The following AHNAK2 variants were observed in gnomAD, a reference collection of about 807,000 sequenced individuals.
AHNAK2 encodes the protein protein AHNAK2.
Under a neutral mutation model 30.7 loss-of-function variants are expected in AHNAK2, and 18 were observed. The ratio of observed to expected loss-of-function variants is 0.59; its 90% confidence interval spans 0.41 to 0.87. AHNAK2 has a LOEUF of 0.87. Ranked by LOEUF, AHNAK2 falls within the 40% of genes least tolerant of loss-of-function variation. AHNAK2 has a pLI of 0.00. For synonymous variants in AHNAK2, 3,590 were observed against 3,073.8 expected, an observed-to-expected ratio of 1.17 and a Z score of -5.56; for missense variants, 8,604 against 7,373.0, an observed-to-expected ratio of 1.17 and a Z score of -6.11.
At position 104,951,897 on chromosome 14, in the gene AHNAK2, G is replaced by C; in HGVS notation, c.3554C>G (p.Ser1185Trp). ...ASAPGKSIEA[S>W]VDVSAPKVEA... ...CACTTTGGGTGCAGACACATCCACC[G>C]AGGCCTCGATGGACTTGCCTGGGGC... The change falls in exon 7 of 7, where the codon TCG becomes TGG. Residue 1185 changes from serine to tryptophan, a missense_variant. Coordinates refer to ENST00000333244, the MANE Select transcript of AHNAK2 (RefSeq NM_138420.4). 6.3e-7 allele frequency: 1 copy of C among 1,583,430 alleles called. No individual in the cohort carries two copies. Among genetic ancestry groups the C allele is most frequent in the Non-Finnish European group, 8.5e-7 (1 of 1,169,834 alleles).
rs2819428 is a variant in AHNAK2, at chr14:104,947,893, A to G, written c.7558T>C (p.Ser2520Pro). The G allele has an allele frequency of 5.9e-3, 9,575 of 1,609,482 alleles. 210 individuals are homozygous for G. Among genetic ancestry groups the G allele is most frequent in the African/African-American group, 0.036 (2,633 of 73,298 alleles). The change falls in exon 7 of 7, where the codon TCC becomes CCC. Residue 2520 changes from serine (S) to proline (P), a missense_variant. Physicochemically the swap from Ser to Pro is moderately conservative, Grantham distance 74. Transcript: ENST00000333244. ...GCCTTGAGGTCCCCCTGCATGGAGG[A>G]GAGGCTCCCGTCGGCCTCCACCTTC... ...APKVEADGSL[S>P]SMQGDLKATD...
In AHNAK2 at chr14:104,952,329, A is replaced by T. The variant is rs776352939; in HGVS notation, c.3122T>A (p.Leu1041Gln). 2 of 1,612,290 alleles carry T rather than the reference A, an allele frequency of 1.2e-6. No individual in the cohort carries two copies. Among genetic ancestry groups the T allele is most frequent in the South Asian group, 2.2e-5 (2 of 91,008 alleles). Residue 1041 changes from leucine (L) to glutamine (Q), a missense_variant, in exon 7 of 7, where the codon CTG becomes CAG. Physicochemically the swap from Leu to Gln is moderately radical, Grantham distance 113. Transcript: ENST00000333244. ...CTGAATGCTGAGGTCAGTGGTCTTC[A>T]GGTCCCCCTGCATGGAGGGGAGACT... ...DLSLPSMQGD[L>Q]KTTDLSIQPA...
chr14:104,953,499 A>G lies in AHNAK2; in HGVS notation c.1952T>C (p.Ile651Thr). Residue 651 changes from isoleucine to threonine, a missense_variant, in exon 7 of 7, where the codon ATA becomes ACA. By Grantham distance (89) the Ile-to-Thr change is moderately conservative. Coordinates refer to ENST00000333244, the MANE Select transcript of AHNAK2 (RefSeq NM_138420.4). ...CTTTTTTAAGCGTTTTTCATCGTGT[A>G]TTAGTTGTATTTTTGTTGTGTTTGT... ...SMTNTTKIQLIHDEKRLKKEQ... is the reference protein window; with the variant it reads ...SMTNTTKIQLTHDEKRLKKEQ... 6.2e-7 allele frequency: 1 copy of G among 1,613,750 alleles called. No individual in the cohort carries two copies. The highest frequency in any genetic ancestry group is 1.1e-5 in the South Asian group (1 of 91,074).
Position 104,946,867 on chromosome 14 carries a change from G to T in AHNAK2, c.8584C>A (p.Arg2862Ser), listed in dbSNP as rs2582514. The change falls in exon 7 of 7, where the codon CGC (arginine) becomes AGC (serine). Residue 2862 changes from arginine (R) to serine (S), a missense_variant. Physicochemically the swap from Arg to Ser is moderately radical, Grantham distance 110. Coordinates refer to ENST00000333244, the MANE Select transcript of AHNAK2 (RefSeq NM_138420.4). ...MQGDLKTTDI[R>S]IQPPSAQLEV... is the part of the protein sequence containing the mutation. ...AGTTGGGCGGAGGGGGGCTGAATGCGGATGTCAGTGGTCTTAAGATCCCCT... is the reference window on the plus strand; with the variant it reads ...AGTTGGGCGGAGGGGGGCTGAATGCTGATGTCAGTGGTCTTAAGATCCCCT... 0.54 allele frequency: 877,696 copies of T among 1,611,362 alleles called. 243,027 individuals are homozygous for T. The highest frequency in any genetic ancestry group is 0.7 in the African/African-American group (51,711 of 73,926).
At chr14:104,955,226 C>CGG (rs1437730887) in intron 5 of AHNAK2, 85 bp from the exon 6 acceptor site, 1 of 1,463,928 alleles carries the variant, frequency 6.8e-7, no homozygotes, top group African/African-American at 1.4e-5. Context: ...AGGAGGGTCC[C>CGG]GGGGACATGA....
In AHNAK2 at chr14:104,954,925, G is replaced by A; in HGVS notation, c.651+32C>T. The stretch of plus-strand genomic sequence containing the variant: ...AGCCAGCAGGGTAGTGAAGCCAGCT[G>A]GGGCCCTGCCCCCCGGGCATAGTGG... On this transcript the variant is annotated intron_variant, in intron 6 of 6. Transcript: ENST00000333244. This position sits in a 1 kb window ranked among gnomAD's most constrained non-coding sequence, Gnocchi z 4.3. The A allele has an allele frequency of 6.3e-7, 1 of 1,584,422 alleles. No homozygotes were observed. Among genetic ancestry groups the A allele is most frequent in the Non-Finnish European group, 8.6e-7 (1 of 1,164,732 alleles).
chr14:104,954,565 T>C lies in AHNAK2; in HGVS notation c.886A>G (p.Thr296Ala), dbSNP rs745783672. Reference protein sequence around the residue: ...EPRDAHDVSPTSTDTEAQLTV... With the variant: ...EPRDAHDVSPASTDTEAQLTV... ...AGCTGGGCCTCTGTGTCTGTGCTTG[T>C]AGGGGACACGTCATGTGCGTCCCTA... Residue 296 changes from threonine (T) to alanine (A), a missense_variant, in exon 7 of 7, where the codon ACA becomes GCA. Physicochemically the swap from Thr to Ala is moderately conservative, Grantham distance 58. Transcript: ENST00000333244. This position sits in a 1 kb window ranked among gnomAD's most constrained non-coding sequence, Gnocchi z 4.3. 1.2e-6 allele frequency: 2 copies of C among 1,608,874 alleles called. No individual in the cohort carries two copies. Among genetic ancestry groups the C allele is most frequent in the Non-Finnish European group, 1.7e-6 (2 of 1,177,528 alleles).
Position 104,949,376 on chromosome 14 carries a change from G to A in AHNAK2, c.6075C>T (p.Pro2025=), listed in dbSNP as rs376103496. Residue 2025 remains proline, a synonymous_variant, in exon 7 of 7, where the codon CCC becomes CCT. Transcript: ENST00000333244. The part of the protein sequence containing the change: ...APKVEADVSL[P]SMQGDLKTTD... Reference sequence around the variant, plus strand: ...TGGTCTTCAGGTCCCCCTGCATGGAGGGGAGACTCACGTCGGCCTCCACCT... The same window carrying A: ...TGGTCTTCAGGTCCCCCTGCATGGAAGGGAGACTCACGTCGGCCTCCACCT... The A allele has an allele frequency of 2.8e-5, 44 of 1,579,156 alleles. 6 individuals carry two copies. Among genetic ancestry groups the A allele is most frequent in the Non-Finnish European group, 3.5e-5 (41 of 1,157,340 alleles).
chr14:104,972,008 C>T (rs909177903), intron 1 of AHNAK2, among the ~76,000 whole-genome samples: 21 of 152,348 alleles, frequency 1.4e-4, no homozygotes, highest in African/African-American at 3.6e-4. Flanking sequence ...GGGCTGCCCC[C>T]GCCACGGGAT....
Position 104,955,588 on chromosome 14 carries a change from C to T in AHNAK2, c.361G>A (p.Ala121Thr), listed in dbSNP as rs1157037618. The stretch of plus-strand genomic sequence containing the variant: ...GTGACACTGTAGCCACTGGCTCCTG[C>T]CTCCACCTCTGTCTTCAGCGTCACC... ...TEVTLKTEVE[A>T]GASGYSVTGG... is the part of the protein sequence containing the mutation. The change falls in exon 5 of 7, where the codon GCA (alanine) becomes ACA (threonine). Residue 121 changes from alanine (A) to threonine (T), a missense_variant. Transcript: ENST00000333244. The T allele has an allele frequency of 6.2e-7, 1 of 1,613,696 alleles. No individual in the cohort carries two copies. The highest frequency in any genetic ancestry group is 2.2e-5 in the East Asian group (1 of 44,882).
rs1183114783 is a variant in AHNAK2, at chr14:104,970,251, C to T, written c.55+7932G>A. ...CCAGGAGAAGGGGCTCCGGGGCTTT[C>T]TCCCTGACATCCCTGCCCAGCCCGC... is the stretch of plus-strand genomic sequence containing the variant. On this transcript the variant is annotated intron_variant, in intron 1 of 6. Coordinates refer to ENST00000333244, the MANE Select transcript of AHNAK2 (RefSeq NM_138420.4). Among the ~76,000 whole-genome samples, 3 of 152,284 alleles carry T rather than the reference C, an allele frequency of 2.0e-5. No individual in the cohort carries two copies. In the East Asian group the frequency reaches 5.8e-4, roughly 30 times the overall value.
Position 104,938,209 on chromosome 14 carries a change from C to T in AHNAK2, c.17242G>A (p.Gly5748Ser), listed in dbSNP as rs1374946287. ...ESFSPEEKEE[G>S]ELIGPVGTGL... is the part of the protein sequence containing the mutation. ...GTGCCCACAGGCCCGATCAGTTCAC[C>T]CTCTTCCTTCTCTTCAGGGGAGAAA... Residue 5748 changes from glycine (G) to serine (S), a missense_variant, in exon 7 of 7, where the codon GGT becomes AGT. Gly to Ser is a moderately conservative substitution (Grantham distance 56, BLOSUM62 0). Coordinates refer to ENST00000333244, the MANE Select transcript of AHNAK2 (RefSeq NM_138420.4). The T allele has an allele frequency of 7.4e-6, 12 of 1,613,916 alleles. No individual in the cohort carries two copies. The highest frequency in any genetic ancestry group is 1.7e-5 in the Admixed American group (1 of 60,012).
In AHNAK2 at chr14:104,950,866, G is replaced by A. The variant is rs778896953; in HGVS notation, c.4585C>T (p.Leu1529Phe). The A allele has an allele frequency of 1.0e-5, 16 of 1,582,802 alleles. 1 individual carries two copies. The highest frequency in any genetic ancestry group is 3.5e-5 in the Admixed American group (2 of 56,998). The change falls in exon 7 of 7, where the codon CTC becomes TTC. Residue 1529 changes from leucine (L) to phenylalanine (F), a missense_variant. By Grantham distance (22) the Leu-to-Phe change is conservative. Transcript: ENST00000333244. ...SAPKVEADVSLPSMQGDLKAT... is the reference protein window; with the variant it reads ...SAPKVEADVSFPSMQGDLKAT... ...TTGAGGTCCCCCTGCATGGAGGGGA[G>A]GCTCACGTCGGCCTCCACCTTCGGC... is the stretch of plus-strand genomic sequence containing the variant.
rs189619756 is a variant in AHNAK2, at chr14:104,948,041, A to G, written c.7410T>C (p.Ser2470=). 54,672 of 1,608,892 alleles carry G rather than the reference A, an allele frequency of 0.034. 1,125 individuals carry two copies. Among genetic ancestry groups the G allele is most frequent in the Non-Finnish European group, 0.038 (44,803 of 1,178,162 alleles). Reference sequence around the variant, plus strand: ...TGGTAGTCACATCCTTGTCCGCCACAGACAGGTCCCCCTCCAGCCACGCAC... The same window carrying G: ...TGGTAGTCACATCCTTGTCCGCCACGGACAGGTCCCCCTCCAGCCACGCAC... ...LDGAWLEGDL[S]VADKDVTTKD... is the part of the protein sequence containing the mutation. The change falls in exon 7 of 7, where the codon TCT becomes TCC. Residue 2470 remains serine, a synonymous_variant. Transcript: ENST00000333244.
chr14:104,948,185 A>T lies in AHNAK2; in HGVS notation c.7266T>A (p.Asp2422Glu), dbSNP rs568432302. The T allele has an allele frequency of 6.2e-7, 1 of 1,608,414 alleles. No individual in the cohort carries two copies. Among genetic ancestry groups the T allele is most frequent in the Non-Finnish European group, 8.5e-7 (1 of 1,178,438 alleles). Reference sequence around the variant, plus strand: ...TCAGGTCCAGCTTGGGGCCCTTGACATCTATCTGGGGGCCCTTGAGATCTA... The same window carrying T: ...TCAGGTCCAGCTTGGGGCCCTTGACTTCTATCTGGGGGCCCTTGAGATCTA... ...PKVDLKGPQIDVKGPKLDLKG... is the reference protein window; with the variant it reads ...PKVDLKGPQIEVKGPKLDLKG... Residue 2422 changes from aspartate to glutamate, a missense_variant, in exon 7 of 7, where the codon GAT becomes GAA. By Grantham distance (45) the Asp-to-Glu change is conservative. Transcript: ENST00000333244.
intron 1 of AHNAK2, among the ~76,000 whole-genome samples, chr14:104,975,418 C>T (rs1469339685): frequency 6.6e-6 from 1 of 152,180 alleles, no homozygotes; most frequent in East Asian, 1.9e-4. Flanking sequence ...TAGGAACACA[C>T]TTACAGCATC....
At position 104,941,242 on chromosome 14, in the gene AHNAK2, A is replaced by G. The variant is rs1291719655; in HGVS notation, c.14209T>C (p.Ser4737Pro). ...TCAAAACTTGAGCATTCTGAAGATG[A>G]TAAAGGAATCGTGGAAAGACCTATG... ...SSIGLSTIPL[S>P]SSECSSFELQ... The change falls in exon 7 of 7, where the codon TCA becomes CCA. Residue 4737 changes from serine to proline, a missense_variant. Ser to Pro is a moderately conservative substitution (Grantham distance 74). Transcript: ENST00000333244. 2.5e-6 allele frequency: 4 copies of G among 1,613,552 alleles called. No homozygotes were observed. The highest frequency in any genetic ancestry group is 1.7e-5 in the Admixed American group (1 of 59,992).
At chr14:104,967,783 C>T (rs760011726) in intron 1 of AHNAK2, among the ~76,000 whole-genome samples, 51 of 152,200 alleles carry the variant, frequency 3.4e-4, no homozygotes, top group Non-Finnish European at 6.0e-4. Context: ...CTGCCCGCCT[C>T]GGGATAAGGC....
In AHNAK2 at chr14:104,954,855, G is replaced by C; in HGVS notation, c.652-56C>G. On this transcript the variant is annotated intron_variant, in intron 6 of 6. Coordinates refer to ENST00000333244, the MANE Select transcript of AHNAK2 (RefSeq NM_138420.4). This position sits in a 1 kb window ranked among gnomAD's most constrained non-coding sequence, Gnocchi z 4.3. ...GCCAGTCCAAGAAGCCTGGGGCCCT[G>C]GCCCAGGGACAGATGGAGTGGGAGT... The C allele has an allele frequency of 1.3e-6, 2 of 1,536,692 alleles. No individual in the cohort carries two copies. Among genetic ancestry groups the C allele is most frequent in the Non-Finnish European group, 1.7e-6 (2 of 1,144,794 alleles).
Sources: gnomAD v4.1 joint callset for allele counts (sites outside exome capture counted in the v4.1 genomes callset) on GRCh38, gnomAD v4.1.1 for gene constraint, Gnocchi (gnomAD v3.1) non-coding constraint, MANE v1.5 for transcripts, NCBI Gene and HGNC (gene_info 2026-07-23, HGNC 2026-07-21) for gene names.